ZBBX: variants seen among roughly 807,000 people sequenced by gnomAD.
The protein encoded by ZBBX is zinc finger B-box domain-containing protein 1.
A neutral mutation model predicts 108.5 loss-of-function variants in ZBBX; 101 were observed. The observed-to-expected ratio is 0.93, with a 90% CI of 0.79 to 1.10. ZBBX has a LOEUF of 1.10. Ranked by LOEUF, ZBBX falls within the 50% of genes least tolerant of loss-of-function variation. ZBBX has a pLI of 0.00. For missense variants in ZBBX, 1,009 were observed against 941.4 expected, an observed-to-expected ratio of 1.07 and a Z score of -0.94; for synonymous variants, 356 against 323.4, an observed-to-expected ratio of 1.10 and a Z score of -1.08.
chr3:167,222,525 A>C, the ZBBX span, among the ~76,000 whole-genome samples: 3 of 151,908 alleles, frequency 2.0e-5, no homozygotes, highest in Non-Finnish European at 2.9e-5. Flanking sequence ...CAGCAGGGTG[A>C]CTATGTCAAC....
intron 4 of ZBBX, among the ~76,000 whole-genome samples, chr3:167,371,909 C>G (rs141248178): frequency 6.6e-6 from 1 of 152,060 alleles, no homozygotes; most frequent in African/African-American, 2.4e-5. Context: ...AACTCAGAAA[C>G]TCCAATTAAA....
chr3:167,205,845 T>TA, the ZBBX span, among the ~76,000 whole-genome samples: 3,805 of 152,292 alleles, frequency 0.025, 173 homozygotes, highest in African/African-American at 0.087. Context: ...TAAGCAAATG[T>TA]AAAGTATTAC....
intron 17 of ZBBX, among the ~76,000 whole-genome samples, chr3:167,299,816 G>C (rs2108190354): frequency 6.6e-6 from 1 of 152,248 alleles, no homozygotes; most frequent in Non-Finnish European, 1.5e-5. Context: ...ATAGGTTCAG[G>C]TATAGTTCTT....
intron 1 of ZBBX, among the ~76,000 whole-genome samples, chr3:167,389,110 T>A (rs1318505511): frequency 6.6e-6 from 1 of 152,022 alleles, no homozygotes; most frequent in Non-Finnish European, 1.5e-5. Flanking sequence ...GTATTGGTCC[T>A]AATGTTCTCC....
intron 20 of ZBBX, among the ~76,000 whole-genome samples, chr3:167,256,680 T>C (rs1723590221): frequency 7.3e-6 from 1 of 137,122 alleles, no homozygotes; most frequent in East Asian, 2.4e-4. Context: ...ATGAGTTCAA[T>C]TGTTTTGATT....
At chr3:167,342,336 G>A (rs1250952498) in intron 9 of ZBBX, among the ~76,000 whole-genome samples, 2 of 151,676 alleles carry the variant, frequency 1.3e-5, no homozygotes, top group Non-Finnish European at 3.0e-5. Flanking sequence ...CAGACAGTGG[G>A]TTAGACTAAT....
chr3:167,210,856 C>T, the ZBBX span, among the ~76,000 whole-genome samples: 1 of 152,024 alleles, frequency 6.6e-6, no homozygotes, highest in East Asian at 1.9e-4. Context: ...AATACTTTCC[C>T]ACTCAAACAA....
chr3:167,236,687 A>T (rs1262148988), downstream of ZBBX, among the ~76,000 whole-genome samples: 2 of 151,646 alleles, frequency 1.3e-5, no homozygotes, highest in African/African-American at 4.8e-5. Flanking sequence ...CTGCATGTTC[A>T]CTTATTTATT....
At chr3:167,276,438 G>A (rs192753229) in intron 20 of ZBBX, among the ~76,000 whole-genome samples, 2,128 of 152,268 alleles carry the variant, frequency 0.014, 26 homozygotes, top group South Asian at 0.026. Flanking sequence ...AGAGAACTAT[G>A]TGAAGAATGC....
chr3:167,211,435 C>A, the ZBBX span, among the ~76,000 whole-genome samples: 6 of 152,280 alleles, frequency 3.9e-5, no homozygotes, highest in Middle Eastern at 3.4e-3. Context: ...CCTGTACATA[C>A]CCCTAGGCAA....
chr3:167,378,669 G>T (rs1294155279), intron 2 of ZBBX, among the ~76,000 whole-genome samples: 1 of 152,136 alleles, frequency 6.6e-6, no homozygotes, highest in Non-Finnish European at 1.5e-5. Flanking sequence ...ACCTAGAGAA[G>T]GCACAGCCTT....
the ZBBX span, among the ~76,000 whole-genome samples, chr3:167,222,764 G>T: frequency 1.3e-5 from 2 of 151,730 alleles, no homozygotes; most frequent in Admixed American, 1.3e-4. Context: ...TTTAGAAAAG[G>T]AATGATAGAC....
intron 16 of ZBBX, among the ~76,000 whole-genome samples, chr3:167,308,919 A>T (rs2108250624): frequency 6.6e-6 from 1 of 152,252 alleles, no homozygotes; most frequent in East Asian, 1.9e-4. Flanking sequence ...TACCTATGTA[A>T]CAAAACTACA....
intron 18 of ZBBX, among the ~76,000 whole-genome samples, chr3:167,295,730 T>G: frequency 7.3e-5 from 1 of 13,760 alleles, no homozygotes; most frequent in South Asian, 3.0e-3. Flanking sequence ...TATATATATA[T>G]ATATATATAT....
At chr3:167,232,712 C>A in the ZBBX span, among the ~76,000 whole-genome samples, 4 of 151,746 alleles carry the variant, frequency 2.6e-5, no homozygotes, top group Non-Finnish European at 4.4e-5. Context: ...TAGACCAGTC[C>A]TTGGAAATTA....
intron 20 of ZBBX, among the ~76,000 whole-genome samples, chr3:167,277,274 G>T (rs954500387): frequency 2.6e-5 from 4 of 151,534 alleles, no homozygotes; most frequent in East Asian, 1.9e-4. Flanking sequence ...TGGACTAAAT[G>T]CTCCAATTAA....
chr3:167,285,781 C>T (rs1370813183), intron 19 of ZBBX, among the ~76,000 whole-genome samples: 7 of 152,074 alleles, frequency 4.6e-5, no homozygotes, highest in Non-Finnish European at 1.0e-4. Context: ...TAAGACATCA[C>T]CTCCACCCTC....
Position 167,314,130 on chromosome 3 carries a change from G to T in ZBBX, c.1275-14C>A. 6.4e-7 allele frequency: 1 copy of T among 1,556,348 alleles called. No homozygotes were observed. Among genetic ancestry groups the T allele is most frequent in the South Asian group, 1.2e-5 (1 of 80,056 alleles). ...TGAAAAGCACAACTTTCACATGTAG[G>T]AACAAACAAAATAATAGAGTTGAAA... is the stretch of plus-strand genomic sequence containing the variant. On this transcript the variant is annotated splice_polypyrimidine_tract_variant and intron_variant, in intron 15 of 21. Transcript: ENST00000675490.
At chr3:167,373,900 T>C (rs540524087) in intron 2 of ZBBX, 113 bp from the exon 3 acceptor site, 14 of 152,246 alleles carry the variant, frequency 9.2e-5, no homozygotes, top group African/African-American at 3.4e-4. Context: ...TAAGTGGATC[T>C]GCACAGTTCA....
Sources: allele counts gnomAD v4.1 joint callset (sites outside exome capture counted in the v4.1 genomes callset), GRCh38; gene constraint gnomAD v4.1.1; transcripts MANE v1.5; gene names NCBI Gene and HGNC (gene_info 2026-07-23, HGNC 2026-07-21).